The following SYAP1 variants were observed in gnomAD, a reference collection of about 807,000 sequenced individuals.
SYAP1 encodes the protein synapse associated protein 1, also known as synapse-associated protein 1.
A neutral mutation model predicts 29.6 loss-of-function variants in SYAP1; 3 were observed. The ratio of observed to expected loss-of-function variants is 0.10; its 90% confidence interval spans 0.05 to 0.26. The LOEUF is 0.26. SYAP1 is among the 10% of genes least tolerant of loss of function. SYAP1 has a pLI of 1.00. For synonymous variants in SYAP1, 102 were observed against 102.7 expected (o/e 0.99, Z 0.04); for missense variants, 217 against 264.1 (o/e 0.82, Z 1.24).
chrX:16,753,418 A>G (rs975543092), intron 5 of SYAP1, among the ~76,000 whole-genome samples: 1 of 109,731 alleles, frequency 9.1e-6, no homozygotes, highest in Non-Finnish European at 1.9e-5. Flanking sequence ...TGTCTCAAAA[A>G]AAAATAATAA....
intron 5 of SYAP1, among the ~76,000 whole-genome samples, chrX:16,752,322 G>A (rs931265595): frequency 3.8e-5 from 4 of 106,444 alleles, no homozygotes; most frequent in African/African-American, 6.8e-5. Context: ...CAACCCTCAA[G>A]ATTTTTATTT....
At position 16,754,945 on chromosome X, in the gene SYAP1, T is replaced by C. The variant is rs755847501; in HGVS notation, c.576T>C (p.Leu192=). Residue 192 remains leucine, a splice_region_variant and synonymous_variant, in exon 6 of 9, where the codon CTT becomes CTC. Transcript: ENST00000380155. ...GTTCTAATTTGCCTTTCTTTAAAAG[T>C]GTGAAGGAAGAAGTGTTCTGGAGGA... ...SKMRFALVPK[L]VKEEVFWRNY... is the part of the protein sequence containing the mutation. 3 of 1,210,355 alleles carry C rather than the reference T, an allele frequency of 2.5e-6. No individual in the cohort carries two copies. Among genetic ancestry groups the C allele is most frequent in the Admixed American group, 2.2e-5 (1 of 45,822 alleles).
intron 1 of SYAP1, among the ~76,000 whole-genome samples, chrX:16,723,440 C>G (rs894108947): frequency 9.0e-6 from 1 of 111,497 alleles, no homozygotes; most frequent in Non-Finnish European, 1.9e-5. Context: ...GTAGATGTTC[C>G]TTATGAGGAT....
At chrX:16,751,439 G>A (rs185450586) in intron 5 of SYAP1, among the ~76,000 whole-genome samples, 3 of 92,556 alleles carry the variant, frequency 3.2e-5, no homozygotes, top group East Asian at 3.6e-4. Context: ...GTGACAGAGC[G>A]AGACTCTGTC....
rs1205181951 is a variant in SYAP1 at position 16,759,187 on chromosome X, G to A, written c.932-1045G>A. On this transcript the variant is annotated intron_variant, in intron 8 of 8. Coordinates refer to ENST00000380155, the MANE Select transcript of SYAP1 (RefSeq NM_032796.4). The stretch of plus-strand genomic sequence containing the variant: ...AGCCTGGGCAACAGAGCAAGACTCC[G>A]TCTCAAAAAAAAAAAAAAAATACAA... Among the ~76,000 whole-genome samples the A allele has an allele frequency of 5.1e-5, 5 of 97,216 alleles. No homozygotes were observed. In the Admixed American group the frequency reaches 5.8e-4, roughly 11 times the overall value. 84.4% of individuals were successfully genotyped at this position (97,216 alleles called of 115,157 possible). A position where few individuals can be genotyped will look rare whatever the true frequency, so the allele number is the denominator to read the frequency against.
intron 1 of SYAP1, among the ~76,000 whole-genome samples, chrX:16,732,337 T>G (rs1433575515): frequency 2.7e-5 from 3 of 111,170 alleles, no homozygotes; most frequent in Non-Finnish European, 5.7e-5. Context: ...GGCAAAAAAC[T>G]CTTGAGCTTT....
chrX:16,751,555 A>C (rs1456645702), intron 5 of SYAP1, among the ~76,000 whole-genome samples: 1 of 109,073 alleles, frequency 9.2e-6, no homozygotes, highest in African/African-American at 3.3e-5. Context: ...AAAATGAGCC[A>C]CTCTTCCAGG....
Position 16,734,712 on chromosome X carries a change from G to T in SYAP1, c.176-515G>T, listed in dbSNP as rs917177645. On this transcript the variant is annotated intron_variant, in intron 1 of 8. Transcript: ENST00000380155. ...CTAAGGGTCTTTGAAAGAGATGAATGAGGCCAGGCCCGGTGGCTCACGCCT... is the reference window on the plus strand; with the variant it reads ...CTAAGGGTCTTTGAAAGAGATGAATTAGGCCAGGCCCGGTGGCTCACGCCT... Among the ~76,000 whole-genome samples the T allele has an allele frequency of 6.3e-4, 69 of 109,184 alleles. 2 individuals are homozygous for T. Among genetic ancestry groups the T allele is most frequent in the Non-Finnish European group, 1.3e-4 (7 of 52,225 alleles). 94.8% of individuals were successfully genotyped at this position (109,184 alleles called of 115,157 possible).
intron 1 of SYAP1, among the ~76,000 whole-genome samples, chrX:16,729,069 A>G (rs945629543): frequency 8.9e-4 from 98 of 110,420 alleles, no homozygotes; most frequent in Non-Finnish European, 1.4e-3. Context: ...AAAAAGACAC[A>G]ATTGACAAAA....
At chrX:16,759,364 C>CA (rs1165576158) in intron 8 of SYAP1, among the ~76,000 whole-genome samples, 132 of 93,626 alleles carry the variant, frequency 1.4e-3, no homozygotes, top group Non-Finnish European at 1.7e-3. Flanking sequence ...GACTCTGTCT[C>CA]AAAAAAAAAA....
chrX:16,757,809 A>T (rs1312071880), intron 8 of SYAP1, among the ~76,000 whole-genome samples: 1 of 108,670 alleles, frequency 9.2e-6, no homozygotes, highest in African/African-American at 3.4e-5. Flanking sequence ...GAGGAAGCTG[A>T]GATGGGACAA....
intron 5 of SYAP1, among the ~76,000 whole-genome samples, chrX:16,746,276 G>A (rs1159879457): frequency 1.0e-5 from 1 of 98,910 alleles, no homozygotes; most frequent in African/African-American, 3.8e-5. Flanking sequence ...TCACTCTGTC[G>A]CCCAGGCTGG....
At chrX:16,726,986 G>T (rs1401704093) in intron 1 of SYAP1, among the ~76,000 whole-genome samples, 3 of 111,338 alleles carry the variant, frequency 2.7e-5, no homozygotes, top group Non-Finnish European at 5.7e-5. Context: ...AAAAGGAAAA[G>T]GAAAAATTGA....
rs1238430002 is a variant in SYAP1 at position 16,756,740 on chromosome X, G to A, written c.783+19G>A. ...TCAAGAGGTAATCCAGTTTTACATT[G>A]TACCTAGTAGTTGATATCTGGAAAT... is the stretch of plus-strand genomic sequence containing the variant. On this transcript the variant is annotated intron_variant, in intron 7 of 8. Transcript: ENST00000380155. The A allele has an allele frequency of 8.6e-7, 1 of 1,165,322 alleles. No individual in the cohort carries two copies. The highest frequency in any genetic ancestry group is 1.2e-6 in the Non-Finnish European group (1 of 854,347).
intron 4 of SYAP1, among the ~76,000 whole-genome samples, chrX:16,742,757 G>A (rs148330187): frequency 0.025 from 2,751 of 110,773 alleles, 106 homozygotes; most frequent in African/African-American, 0.085. Flanking sequence ...GGGACGATAG[G>A]CGTAAGCCAC....
chrX:16,720,087 G>A (rs989651319), intron 1 of SYAP1, among the ~76,000 whole-genome samples, 188 bp downstream of exon 1: 1 of 111,783 alleles, frequency 8.9e-6, no homozygotes, highest in East Asian at 2.8e-4. Flanking sequence ...CGAGGCCAGA[G>A]CTTCATCTAG....
chrX:16,726,416 G>A (rs918035681), intron 1 of SYAP1, among the ~76,000 whole-genome samples: 1 of 110,637 alleles, frequency 9.0e-6, no homozygotes, highest in Non-Finnish European at 1.9e-5. Flanking sequence ...GGCCTGGGGA[G>A]TCTCTTCAGA....
rs973459267 is a variant in SYAP1 at position 16,719,665 on chromosome X, G to C, written c.-60G>C. The C allele has an allele frequency of 1.9e-5, 22 of 1,153,202 alleles. No homozygotes were observed. The Admixed American group carries it at 5.2e-4, about 27-fold the overall frequency. On this transcript the variant is annotated 5_prime_UTR_variant, in exon 1 of 9. Coordinates refer to ENST00000380155, the MANE Select transcript of SYAP1 (RefSeq NM_032796.4). ...GGAGTCGCGCAGAGTGGAGTCAAAG[G>C]CAACCAGTGCTCGCTGCGGTCTCTG...
At chrX:16,752,404 ATTT>A (rs1284291343) in intron 5 of SYAP1, among the ~76,000 whole-genome samples, 1 of 103,730 alleles carries the variant, frequency 9.6e-6, no homozygotes, top group Non-Finnish European at 1.9e-5. Context: ...TATTATTATT[ATTT>A]TGAAACACAA....
Sources: allele counts gnomAD v4.1 joint callset (sites outside exome capture counted in the v4.1 genomes callset), GRCh38; gene constraint gnomAD v4.1.1; transcripts MANE v1.5; gene names NCBI Gene and HGNC (gene_info 2026-07-23, HGNC 2026-07-21).